The following ZNF215 variants were observed in gnomAD, a reference collection of about 807,000 sequenced individuals.
ZNF215 encodes the protein BWSCR2-associated zinc finger protein 2.
A neutral mutation model predicts 27.2 loss-of-function variants in ZNF215; 24 were observed. The ratio of observed to expected loss-of-function variants is 0.88; its 90% confidence interval spans 0.64 to 1.24. The LOEUF (loss-of-function observed/expected upper bound fraction) is 1.24. ZNF215 is among the 50% of genes most tolerant of loss of function. ZNF215 has a pLI of 0.00. For synonymous variants in ZNF215, 210 were observed against 204.0 expected, an observed-to-expected ratio of 1.03 and a Z score of -0.25; for missense variants, 675 against 605.7, an observed-to-expected ratio of 1.11 and a Z score of -1.20.
chr11:6,976,773 GGAGA>G (rs1480103696), intron 5 of ZNF215, among the ~76,000 whole-genome samples: 4 of 152,068 alleles, frequency 2.6e-5, no homozygotes, highest in African/African-American at 9.6e-5. Flanking sequence ...TCTTGTTTGT[GGAGA>G]GAAATACACA....
chr11:6,969,595 AAT>A (rs1358952007), intron 5 of ZNF215, among the ~76,000 whole-genome samples: 1 of 152,158 alleles, frequency 6.6e-6, no homozygotes, highest in East Asian at 1.9e-4. Flanking sequence ...CTAAAAAAAA[AAT>A]GTAGTTAAAA....
At chr11:6,947,503 T>A (rs886802426) in intron 6 of ZNF215, among the ~76,000 whole-genome samples, 1 of 152,080 alleles carries the variant, frequency 6.6e-6, no homozygotes. Flanking sequence ...ATTGTATCAC[T>A]GCATCCCATC....
In ZNF215 at chr11:6,955,731, A is replaced by G; in HGVS notation, c.754A>G (p.Ile252Val). Residue 252 changes from isoleucine to valine, a missense_variant, in exon 7 of 7, where the codon ATT becomes GTT. Ile to Val is a conservative substitution (Grantham distance 29). Coordinates refer to ENST00000278319, the MANE Select transcript of ZNF215 (RefSeq NM_013250.4). The stretch of plus-strand genomic sequence containing the variant: ...TGGAGAAGAATCATCCCATGGAGTG[A>G]TTATGACAAGGCTTACCGAAAGTGG... ...ISGEESSHGV[I>V]MTRLTESGHP... The G allele has an allele frequency of 1.9e-6, 3 of 1,594,220 alleles. No homozygotes were observed. Among genetic ancestry groups the G allele is most frequent in the Non-Finnish European group, 2.6e-6 (3 of 1,173,774 alleles).
chr11:6,933,870 T>C (rs935299014), intron 3 of ZNF215, among the ~76,000 whole-genome samples: 5 of 150,010 alleles, frequency 3.3e-5, no homozygotes, highest in African/African-American at 1.2e-4. Flanking sequence ...TGTTAAACTA[T>C]ACCGTGATAA....
intron 3 of ZNF215, among the ~76,000 whole-genome samples, chr11:6,935,361 A>G (rs1398037574): frequency 6.6e-6 from 1 of 152,234 alleles, no homozygotes; most frequent in Non-Finnish European, 1.5e-5. Context: ...CACACAATGC[A>G]TCTGCAGAGA....
Position 6,956,585 on chromosome 11 carries a change from T to C in ZNF215, c.*54T>C, listed in dbSNP as rs202243262. Reference sequence around the variant, plus strand: ...GTCAGAATGCAGAACTCATTTAACATCATGAATTTATGCTGGATAAAATCT... The same window carrying C: ...GTCAGAATGCAGAACTCATTTAACACCATGAATTTATGCTGGATAAAATCT... On this transcript the variant is annotated 3_prime_UTR_variant, in exon 7 of 7. Transcript: ENST00000278319. 24 of 1,491,508 alleles carry C rather than the reference T, an allele frequency of 1.6e-5. No individual in the cohort carries two copies. In the East Asian group the frequency reaches 4.8e-4, roughly 30 times the overall value. 92.4% of individuals were successfully genotyped at this position (1,491,508 alleles called of 1,614,324 possible). A position where few individuals can be genotyped will look rare whatever the true frequency, so the allele number is the denominator to read the frequency against.
intron 3 of ZNF215, among the ~76,000 whole-genome samples, chr11:6,935,750 A>G (rs1421121077): frequency 6.6e-6 from 1 of 152,192 alleles, no homozygotes; most frequent in Non-Finnish European, 1.5e-5. Flanking sequence ...AAAACAACAG[A>G]AGATACATTT....
At chr11:6,958,203 A>G (rs564011459), downstream of ZNF215, among the ~76,000 whole-genome samples, 287 of 152,324 alleles carry the variant, frequency 1.9e-3, 2 homozygotes, top group African/African-American at 6.7e-3. Flanking sequence ...AGGTATGTTC[A>G]TTCATCATAG....
chr11:6,929,544 T>G (rs1188669515), intron 2 of ZNF215, among the ~76,000 whole-genome samples: 1 of 152,180 alleles, frequency 6.6e-6, no homozygotes, highest in East Asian at 1.9e-4. Context: ...GCTACAATTA[T>G]GAGGAGGTAT....
intron 6 of ZNF215, among the ~76,000 whole-genome samples, chr11:6,947,594 T>TG (rs1228284890): frequency 1.3e-5 from 2 of 151,938 alleles, no homozygotes; most frequent in African/African-American, 4.8e-5. Flanking sequence ...ATATGAAAAA[T>TG]GAGTTGTACA....
chr11:6,989,607 G>C (rs1218223255), downstream of ZNF215, among the ~76,000 whole-genome samples: 2 of 152,124 alleles, frequency 1.3e-5, no homozygotes, highest in Non-Finnish European at 2.9e-5. Flanking sequence ...AAAATTTCAT[G>C]AATAGGTGGC....
At chr11:6,962,177 C>A (rs1170961162), downstream of ZNF215, among the ~76,000 whole-genome samples, 1 of 152,074 alleles carries the variant, frequency 6.6e-6, no homozygotes, top group African/African-American at 2.4e-5. Context: ...GCTTTTTAAT[C>A]CTTAGGCCTG....
chr11:6,932,183 A>C lies in ZNF215; in HGVS notation c.-90A>C. Reference sequence around the variant, plus strand: ...AATAACTTGGCTTAAATCACACTGCATATAGTACACAGGTGCTTAGCTCAA... The same window carrying C: ...AATAACTTGGCTTAAATCACACTGCCTATAGTACACAGGTGCTTAGCTCAA... On this transcript the variant is annotated 5_prime_UTR_variant, in exon 3 of 7. Transcript: ENST00000278319. The C allele has an allele frequency of 6.7e-7, 1 of 1,495,562 alleles. No individual in the cohort carries two copies. The highest frequency in any genetic ancestry group is 9.0e-7 in the Non-Finnish European group (1 of 1,110,172). The allele number at this position is 1,495,562 out of a possible 1,614,324, so 92.6% of individuals were successfully genotyped here.
downstream of ZNF215, chr11:6,988,404 T>C: frequency 3.7e-6 from 1 of 269,342 alleles, no homozygotes; most frequent in Non-Finnish European, 5.7e-6. Flanking sequence ...TACTAGGCTT[T>C]AATGTAACTG....
chr11:6,929,388 A>G (rs1047579208), intron 2 of ZNF215, among the ~76,000 whole-genome samples: 2 of 152,208 alleles, frequency 1.3e-5, no homozygotes, highest in Non-Finnish European at 2.9e-5. Context: ...ACTAAAGTCC[A>G]TGCTTTATTC....
downstream of ZNF215, among the ~76,000 whole-genome samples, chr11:6,961,843 C>T (rs1311382106): frequency 6.6e-6 from 1 of 152,094 alleles, no homozygotes; most frequent in African/African-American, 2.4e-5. Flanking sequence ...CCTTTACCTG[C>T]ACTTTTATTC....
At chr11:6,932,850 A>T (rs1849313316) in intron 3 of ZNF215, among the ~76,000 whole-genome samples, 178 bp downstream of exon 3, 1 of 152,208 alleles carries the variant, frequency 6.6e-6, no homozygotes, top group African/African-American at 2.4e-5. Flanking sequence ...GATCTCACAG[A>T]TTGGGTAGGG....
At chr11:6,984,026 TAAAA>T in intron 5 of ZNF215, 1 of 335,192 alleles carries the variant, frequency 3.0e-6, no homozygotes. Context: ...GTAAAGGATA[TAAAA>T]ATTAACATAC....
downstream of ZNF215, among the ~76,000 whole-genome samples, chr11:6,992,591 C>T (rs147568411): frequency 5.6e-4 from 86 of 152,336 alleles, no homozygotes; most frequent in African/African-American, 2.0e-3. Flanking sequence ...ACTGACAGAT[C>T]GTGCTGTGCC....
Sources: allele counts gnomAD v4.1 joint callset (sites outside exome capture counted in the v4.1 genomes callset), GRCh38; gene constraint gnomAD v4.1.1; transcripts MANE v1.5; gene names NCBI Gene and HGNC (gene_info 2026-07-23, HGNC 2026-07-21).